The following PCSK5 variants were observed in gnomAD, a reference collection of about 807,000 sequenced individuals.
PCSK5 encodes proprotein convertase subtilisin/kexin type 5.
A neutral mutation model predicts 233.2 loss-of-function variants in PCSK5; 129 were observed. The observed-to-expected ratio is 0.55, with a 90% CI of 0.48 to 0.64. PCSK5 has a LOEUF of 0.64. PCSK5 is among the 30% of genes least tolerant of loss of function. The pLI is 0.00. For missense variants in PCSK5, 2,076 were observed against 2,430.1 expected (o/e 0.85, Z 3.06); for synonymous variants, 825 against 879.2 (o/e 0.94, Z 1.09).
At chr9:75,959,161 T>A (rs1825224885) in intron 2 of PCSK5, among the ~76,000 whole-genome samples, 1 of 152,144 alleles carries the variant, frequency 6.6e-6, no homozygotes, top group African/African-American at 2.4e-5. Flanking sequence ...ATCTAGAATA[T>A]CTTTCCAGAG....
chr9:75,984,214 A>G (rs1051815508), intron 2 of PCSK5, among the ~76,000 whole-genome samples: 4 of 152,176 alleles, frequency 2.6e-5, no homozygotes, highest in Admixed American at 6.5e-5. Flanking sequence ...GTTTTCTCAC[A>G]TACTTATTTC....
chr9:76,073,811 C>G (rs1041856735), intron 7 of PCSK5, among the ~76,000 whole-genome samples: 24 of 152,084 alleles, frequency 1.6e-4, no homozygotes, highest in African/African-American at 5.8e-4. Flanking sequence ...CATGAACCAA[C>G]AATTTTCAAA....
intron 7 of PCSK5, among the ~76,000 whole-genome samples, chr9:76,090,771 C>T (rs1401954689): frequency 1.3e-5 from 2 of 152,096 alleles, no homozygotes; most frequent in Non-Finnish European, 2.9e-5. Flanking sequence ...ATTCATTACG[C>T]ACATTATTTC....
chr9:76,346,172 A>G (rs989398471), intron 35 of PCSK5, among the ~76,000 whole-genome samples: 9 of 152,102 alleles, frequency 5.9e-5, no homozygotes, highest in African/African-American at 1.7e-4. Flanking sequence ...ATTTTTGCCA[A>G]CTTTGTCAAA....
At chr9:76,307,349 G>C (rs370703544) in intron 28 of PCSK5, among the ~76,000 whole-genome samples, 12 of 152,190 alleles carry the variant, frequency 7.9e-5, no homozygotes, top group African/African-American at 2.9e-4. Context: ...AAAATGGTAA[G>C]ATGTCAACAT....
chr9:75,961,002 G>A (rs1225888527), intron 2 of PCSK5, among the ~76,000 whole-genome samples: 1 of 152,182 alleles, frequency 6.6e-6, no homozygotes, highest in East Asian at 1.9e-4. Flanking sequence ...AGTGGAAAGA[G>A]GTAAAGTACC....
chr9:76,231,714 C>T (rs1222964842), intron 21 of PCSK5, among the ~76,000 whole-genome samples: 7 of 152,044 alleles, frequency 4.6e-5, no homozygotes, highest in African/African-American at 1.7e-4. Context: ...TGGGATATTC[C>T]CCTTTGGCAT....
chr9:75,929,850 C>T lies in PCSK5; in HGVS notation c.193-2529C>T, dbSNP rs1325667958. Among the ~76,000 whole-genome samples, 4 of 150,636 alleles carry T rather than the reference C, an allele frequency of 2.7e-5. No individual in the cohort carries two copies. The South Asian group carries it at 8.4e-4, about 32-fold the overall frequency. The stretch of plus-strand genomic sequence containing the variant: ...GCGACAGGGGTTTCCCCTTATAAAA[C>T]TGTCAGATCTCTTTTTTTTTTTTTT... On this transcript the variant is annotated intron_variant, in intron 1 of 37. Transcript: ENST00000674117.
chr9:76,282,485 G>A (rs7856741), intron 24 of PCSK5, among the ~76,000 whole-genome samples: 19,293 of 148,166 alleles, frequency 0.13, 1,680 homozygotes, highest in African/African-American at 0.26. Context: ...ATGCCCAGCT[G>A]ATATCTATTT....
Position 75,930,447 on chromosome 9 carries a change from C to T in PCSK5, c.193-1932C>T, listed in dbSNP as rs147508971. ...TATTCAGTGAGTTAGATGAAGCGTA[C>T]GGAATAGTTCCCTGGCATGGTGTGA... On this transcript the variant is annotated intron_variant, in intron 1 of 37. Transcript: ENST00000674117. 4.4e-3 allele frequency among the ~76,000 whole-genome samples: 669 copies of T among 152,198 alleles called. 8 individuals are homozygous for T. The highest frequency in any genetic ancestry group is 0.014 in the African/African-American group (594 of 41,542).
chr9:75,994,408 T>C (rs1226933988), intron 3 of PCSK5, among the ~76,000 whole-genome samples: 128 of 5,396 alleles, frequency 0.024, 1 homozygote, highest in South Asian at 0.042. Context: ...TTCTTTTTTT[T>C]TTTTTTTTTT....
intron 7 of PCSK5, among the ~76,000 whole-genome samples, chr9:76,080,409 C>A (rs550735727): frequency 6.6e-6 from 1 of 152,146 alleles, no homozygotes; most frequent in African/African-American, 2.4e-5. Context: ...ATTGTCTCTT[C>A]GATGCTTGTA....
chr9:76,292,346 C>A, intron 25 of PCSK5, 71 bp downstream of exon 25: 1 of 987,802 alleles, frequency 1.0e-6, no homozygotes, highest in Middle Eastern at 2.1e-4. Flanking sequence ...AATCCTCAAT[C>A]CAGCGATTAA....
At chr9:76,355,225 C>T (rs1830268197) in intron 37 of PCSK5, among the ~76,000 whole-genome samples, 2 of 152,194 alleles carry the variant, frequency 1.3e-5, no homozygotes, top group Admixed American at 1.3e-4. Flanking sequence ...GTAATCTCAG[C>T]ACTTTGCGGA....
intron 1 of PCSK5, among the ~76,000 whole-genome samples, chr9:75,893,773 C>A (rs1427167332): frequency 1.3e-5 from 2 of 152,136 alleles, no homozygotes; most frequent in South Asian, 2.1e-4. Context: ...GGTTTTACAG[C>A]GCCAATGAGG....
At chr9:76,127,497 A>G (rs1424384980) in intron 9 of PCSK5, among the ~76,000 whole-genome samples, 2 of 152,218 alleles carry the variant, frequency 1.3e-5, no homozygotes, top group African/African-American at 4.8e-5. Context: ...CATCTACACT[A>G]TGGGGTTGTG....
intron 9 of PCSK5, among the ~76,000 whole-genome samples, chr9:76,130,406 A>C (rs1433651169): frequency 6.6e-6 from 1 of 152,182 alleles, no homozygotes; most frequent in Non-Finnish European, 1.5e-5. Context: ...GGTGATTGAT[A>C]GCATAAGTTA....
At position 76,359,555 on chromosome 9, in the gene PCSK5, T is replaced by G. The variant is rs972861561; in HGVS notation, c.*633T>G. ...AGGGAAGAAAAGAGAAGGTGCATCA[T>G]AGCTGAGGAGCCATGAGGTCACCCC... On this transcript the variant is annotated 3_prime_UTR_variant, in exon 38 of 38. Transcript: ENST00000674117. 1.3e-5 allele frequency: 2 copies of G among 152,534 alleles called. No individual in the cohort carries two copies. The highest frequency in any genetic ancestry group is 4.8e-5 in the African/African-American group (2 of 41,390). The allele number at this position is 152,534 out of a possible 1,614,324, so 9.4% of individuals were successfully genotyped here.
chr9:76,155,264 A>G (rs992454375), intron 10 of PCSK5, among the ~76,000 whole-genome samples: 2 of 152,204 alleles, frequency 1.3e-5, no homozygotes, highest in Non-Finnish European at 2.9e-5. Context: ...TGTAGATGAG[A>G]TAGATCATAA....
Sources: gnomAD v4.1 joint callset for allele counts (sites outside exome capture counted in the v4.1 genomes callset) on GRCh38, gnomAD v4.1.1 for gene constraint, MANE v1.5 for transcripts, NCBI Gene and HGNC (gene_info 2026-07-23, HGNC 2026-07-21) for gene names.